The following CD320 variants were observed in gnomAD, a reference collection of about 807,000 sequenced individuals.
CD320 encodes CD320 molecule.
CD320 carries 16 observed loss-of-function variants against 22.1 expected under a neutral mutation model. The observed-to-expected ratio is 0.73, with a 90% CI of 0.49 to 1.10. The LOEUF (loss-of-function observed/expected upper bound fraction) is 1.10, where lower values mean the gene tolerates loss of function less well. CD320 is among the 50% of genes least tolerant of loss of function. The probability of loss-of-function intolerance (pLI) is 0.00; values close to 1 mark genes in which losing one functional copy is unlikely to be tolerated. For synonymous variants in CD320, 188 were observed against 167.8 expected (o/e 1.12, Z -0.93); for missense variants, 388 against 376.9 (o/e 1.03, Z -0.24).
chr19:8,304,597 C>G (rs1476507562), intron 2 of CD320, among the ~76,000 whole-genome samples: 1 of 152,220 alleles, frequency 6.6e-6, no homozygotes, highest in Non-Finnish European at 1.5e-5. Context: ...CCTGCCTTGG[C>G]CTCCCAAAGT....
chr19:8,306,462 G>A (rs1970089294), intron 1 of CD320, among the ~76,000 whole-genome samples: 1 of 152,218 alleles, frequency 6.6e-6, no homozygotes. Flanking sequence ...GGAGGGGCCC[G>A]CAACCTGGGC....
Position 8,308,170 on chromosome 19 carries a change from G to C in CD320, c.121C>G (p.Pro41Ala). The change falls in exon 1 of 5, where the codon CCG (proline) becomes GCG (alanine). Residue 41 changes from proline to alanine, a missense_variant. By Grantham distance (27) the Pro-to-Ala change is conservative (BLOSUM62 -1). Coordinates refer to ENST00000301458, the MANE Select transcript of CD320 (RefSeq NM_016579.4). Reference sequence around the variant, plus strand: ...TCACCTGCGGCCTGGGCAGAGGTCGGGGTGGAAAGCGGGCTCGCGGCGGCC... The same window carrying C: ...TCACCTGCGGCCTGGGCAGAGGTCGCGGTGGAAAGCGGGCTCGCGGCGGCC... Reference protein sequence around the residue: ...LEAAASPLSTPTSAQAAGPSS... With the variant: ...LEAAASPLSTATSAQAAGPSS... 1 of 1,551,676 alleles carries C rather than the reference G, an allele frequency of 6.4e-7. No individual in the cohort carries two copies. Among genetic ancestry groups the C allele is most frequent in the Non-Finnish European group, 8.6e-7 (1 of 1,157,250 alleles).
Position 8,302,267 on chromosome 19 carries a change from C to G in CD320, c.*196G>C. On this transcript the variant is annotated 3_prime_UTR_variant, in exon 5 of 5. Transcript: ENST00000301458. The stretch of plus-strand genomic sequence containing the variant: ...TGGCAGGTTCCCCATCCTAGCTCCC[C>G]GGATCTCCATAGGGAGTGTCCAGGG... The G allele has an allele frequency of 1.3e-6, 1 of 741,880 alleles. No homozygotes were observed. The highest frequency in any genetic ancestry group is 2.4e-6 in the Non-Finnish European group (1 of 421,290). The allele number at this position is 741,880 out of a possible 1,614,324, so 46.0% of individuals were successfully genotyped here. A position where few individuals can be genotyped will look rare whatever the true frequency, so the allele number is the denominator to read the frequency against.
intron 2 of CD320, chr19:8,304,714 T>C (rs561519854): frequency 9.2e-4 from 215 of 232,870 alleles, no homozygotes; most frequent in African/African-American, 4.7e-3. Context: ...TCTTTTTTTT[T>C]CCTGAGACAG....
chr19:8,304,404 G>A (rs569215545), intron 2 of CD320, among the ~76,000 whole-genome samples: 5 of 152,058 alleles, frequency 3.3e-5, no homozygotes, highest in South Asian at 2.1e-4. Flanking sequence ...GTGCAGTGGC[G>A]CAATCTCGAC....
rs1039238660 is a variant in CD320 at position 8,308,113 on chromosome 19, G to C, written c.142+36C>G. 2.8e-6 allele frequency: 4 copies of C among 1,446,466 alleles called. No homozygotes were observed. In the African/African-American group the frequency reaches 4.5e-5, roughly 16 times the overall value. The allele number at this position is 1,446,466 out of a possible 1,614,324, so 89.6% of individuals were successfully genotyped here. ...GCGCGGCGGCGGGGCGAAGCCTCGC[G>C]AGGGGTGGGAGCCCGCGCTGCGGGG... On this transcript the variant is annotated intron_variant, in intron 1 of 4. Coordinates refer to ENST00000301458, the MANE Select transcript of CD320 (RefSeq NM_016579.4).
In CD320 at chr19:8,303,835, C is replaced by T. The variant is rs1382107935; in HGVS notation, c.502+20G>A. ...GTCCCCATCTACCCACGAGTCCACC[C>T]CAGCCCCGCAGGTGCATACCACAGC... On this transcript the variant is annotated intron_variant, in intron 3 of 4. Transcript: ENST00000301458. 1 of 1,542,200 alleles carries T rather than the reference C, an allele frequency of 6.5e-7. No homozygotes were observed. Among genetic ancestry groups the T allele is most frequent in the African/African-American group, 1.4e-5 (1 of 73,074 alleles).
chr19:8,308,330 C>G lies in CD320; in HGVS notation c.-40G>C. The G allele has an allele frequency of 6.4e-7, 1 of 1,574,612 alleles. No homozygotes were observed. The highest frequency in any genetic ancestry group is 1.1e-5 in the South Asian group (1 of 87,644). On this transcript the variant is annotated 5_prime_UTR_variant, in exon 1 of 5. Coordinates refer to ENST00000301458, the MANE Select transcript of CD320 (RefSeq NM_016579.4). ...GGCGCCGGCCACGCGCTGTCCAGACCGCTCTCTTATCCCTGCGCACGCGCA... is the reference window on the plus strand; with the variant it reads ...GGCGCCGGCCACGCGCTGTCCAGACGGCTCTCTTATCCCTGCGCACGCGCA...
chr19:8,304,840 T>A (rs142518940), intron 2 of CD320, 191 bp downstream of exon 2: 1 of 593,778 alleles, frequency 1.7e-6, no homozygotes, highest in Non-Finnish European at 3.0e-6. Flanking sequence ...GTGCTGGGAT[T>A]GCAGGCGTGA....
At chr19:8,303,603 C>T (rs982183209) in intron 3 of CD320, among the ~76,000 whole-genome samples, 3 of 151,986 alleles carry the variant, frequency 2.0e-5, no homozygotes, top group African/African-American at 7.3e-5. Flanking sequence ...TTAGTAGAGA[C>T]GGGGTTTCGC....
intron 3 of CD320, 114 bp from the exon 4 acceptor site, chr19:8,303,094 C>G: frequency 1.8e-6 from 1 of 553,544 alleles, no homozygotes; most frequent in Non-Finnish European, 3.0e-6. Context: ...CTGGGTGAAG[C>G]TGACTGCCCG....
In CD320 at chr19:8,302,563, A is replaced by C. The variant is rs572426955; in HGVS notation, c.749T>G (p.Leu250Trp). ...GCGCTCCTGGGCTCGGAGCCAGGACAAAAGGAGGAGGGTGGCGGTGACCAG... is the reference window on the plus strand; with the variant it reads ...GCGCTCCTGGGCTCGGAGCCAGGACCAAAGGAGGAGGGTGGCGGTGACCAG... ...ASLVTATLLL[L>W]SWLRAQERLR... Residue 250 changes from leucine (L) to tryptophan (W), a missense_variant, in exon 5 of 5, where the codon TTG (leucine) becomes TGG (tryptophan). By Grantham distance (61) the Leu-to-Trp change is moderately conservative. Coordinates refer to ENST00000301458, the MANE Select transcript of CD320 (RefSeq NM_016579.4). 3 of 1,613,956 alleles carry C rather than the reference A, an allele frequency of 1.9e-6. No homozygotes were observed. Among genetic ancestry groups the C allele is most frequent in the Admixed American group, 3.3e-5 (2 of 60,018 alleles).
Position 8,308,232 on chromosome 19 carries a change from G to A in CD320, c.59C>T (p.Ala20Val). 3 of 1,579,468 alleles carry A rather than the reference G, an allele frequency of 1.9e-6. No individual in the cohort carries two copies. The highest frequency in any genetic ancestry group is 2.6e-6 in the Non-Finnish European group (3 of 1,169,410). Reference sequence around the variant, plus strand: ...TCCGAGGCCGAGCAGCAGCAGCAGCGCCAGGCCCAGAGCCCCTGTTCGCCA... The same window carrying A: ...TCCGAGGCCGAGCAGCAGCAGCAGCACCAGGCCCAGAGCCCCTGTTCGCCA... ...GAWRTGALGLALLLLLGLGLG... is the reference protein window; with the variant it reads ...GAWRTGALGLVLLLLLGLGLG... Residue 20 changes from alanine to valine, a missense_variant, in exon 1 of 5, where the codon GCG becomes GTG. Coordinates refer to ENST00000301458, the MANE Select transcript of CD320 (RefSeq NM_016579.4).
chr19:8,302,502 C>T lies in CD320; in HGVS notation c.810G>A (p.Glu270=). 1 of 1,614,182 alleles carries T rather than the reference C, an allele frequency of 6.2e-7. No individual in the cohort carries two copies. The highest frequency in any genetic ancestry group is 1.1e-5 in the South Asian group (1 of 91,092). Residue 270 remains glutamate, a synonymous_variant, in exon 5 of 5, where the codon GAG becomes GAA. Coordinates refer to ENST00000301458, the MANE Select transcript of CD320 (RefSeq NM_016579.4). The part of the protein sequence containing the change: ...RPLGLLVAMK[E]SLLLSEQKTS... ...TCTTCTGTTCTGACAGCAGCAGGGACTCCTTCATGGCCACCAGTAACCCCA... is the reference window on the plus strand; with the variant it reads ...TCTTCTGTTCTGACAGCAGCAGGGATTCCTTCATGGCCACCAGTAACCCCA...
Position 8,308,183 on chromosome 19 carries a change from G to C in CD320, c.108C>G (p.Ser36Arg), listed in dbSNP as rs1035291280. The change falls in exon 1 of 5, where the codon AGC becomes AGG. Residue 36 changes from serine (S) to arginine (R), a missense_variant. By Grantham distance (110) the Ser-to-Arg change is moderately radical. Coordinates refer to ENST00000301458, the MANE Select transcript of CD320 (RefSeq NM_016579.4). The part of the protein sequence containing the change: ...GLGLGLEAAA[S>R]PLSTPTSAQA... ...GGGCAGAGGTCGGGGTGGAAAGCGG[G>C]CTCGCGGCGGCCTCCAGGCCTAGTC... 6 of 1,556,462 alleles carry C rather than the reference G, an allele frequency of 3.9e-6. No homozygotes were observed. In the African/African-American group the frequency reaches 8.3e-5, roughly 21 times the overall value.
chr19:8,304,900 A>C, intron 2 of CD320, 131 bp downstream of exon 2: 1 of 1,078,990 alleles, frequency 9.3e-7, no homozygotes, highest in Non-Finnish European at 1.4e-6. Context: ...CTTATGACCC[A>C]CAGACCCAAG....
Position 8,302,476 on chromosome 19 carries a change from G to A in CD320, c.836C>T (p.Thr279Ile). The A allele has an allele frequency of 6.2e-7, 1 of 1,614,162 alleles. No individual in the cohort carries two copies. Among genetic ancestry groups the A allele is most frequent in the African/African-American group, 1.3e-5 (1 of 75,060 alleles). ...AAGTGCTTGTCCTCAGGGCAGCGAG[G>A]TCTTCTGTTCTGACAGCAGCAGGGA... The part of the protein sequence containing the change: ...KESLLLSEQK[T>I]SLP The change falls in exon 5 of 5, where the codon ACC becomes ATC. Residue 279 changes from threonine (T) to isoleucine (I), a missense_variant. Transcript: ENST00000301458.
At chr19:8,305,187 A>G (rs1420259018) in intron 1 of CD320, 31 bp from the exon 2 acceptor site, 1 of 1,567,412 alleles carries the variant, frequency 6.4e-7, no homozygotes, top group African/African-American at 1.4e-5. Flanking sequence ...AAGCCTGGGA[A>G]GCTGGAGGCT....
At chr19:8,303,113 T>G (rs930085288) in intron 3 of CD320, 133 bp from the exon 4 acceptor site, 1 of 624,398 alleles carries the variant, frequency 1.6e-6, no homozygotes, top group Non-Finnish European at 2.8e-6. Context: ...CGTAATTATG[T>G]CTTTTTTTTT....
Sources: gnomAD v4.1 joint callset for allele counts (sites outside exome capture counted in the v4.1 genomes callset) on GRCh38, gnomAD v4.1.1 for gene constraint, MANE v1.5 for transcripts, NCBI Gene and HGNC (gene_info 2026-07-23, HGNC 2026-07-21) for gene names.